The following TECR variants were observed in gnomAD, a reference collection of about 807,000 sequenced individuals.
TECR encodes the protein very-long-chain enoyl-CoA reductase.
A neutral mutation model predicts 50.6 loss-of-function variants in TECR; 19 were observed. That is an observed-to-expected ratio of 0.38 (90% CI 0.26 to 0.55). The LOEUF (loss-of-function observed/expected upper bound fraction) is 0.55, where lower values mean the gene tolerates loss of function less well. Among genes scored for constraint, TECR ranks in the 20% least tolerant of loss-of-function variants. The probability of loss-of-function intolerance (pLI) is 0.79; values close to 1 mark genes in which losing one functional copy is unlikely to be tolerated. For synonymous variants in TECR, 168 were observed against 163.5 expected, an observed-to-expected ratio of 1.03 and a Z score of -0.21; for missense variants, 313 against 408.3, an observed-to-expected ratio of 0.77 and a Z score of 2.01.
At position 14,563,790 on chromosome 19, in the gene TECR, C is replaced by T. The variant is rs1353554953; in HGVS notation, c.164-10C>T. 2.5e-6 allele frequency: 4 copies of T among 1,613,704 alleles called. No homozygotes were observed. Among genetic ancestry groups the T allele is most frequent in the Admixed American group, 1.7e-5 (1 of 60,000 alleles). ...GGGTAGCCCCTGAGCCCTGGCCCGC[C>T]TCTCTGCAGAGGGCAAGTCCCTGAA... On this transcript the variant is annotated splice_polypyrimidine_tract_variant and intron_variant, in intron 4 of 12. Transcript: ENST00000215567. This position sits in a 1 kb window ranked among gnomAD's most constrained non-coding sequence, Gnocchi z 5.3.
intron 1 of TECR, among the ~76,000 whole-genome samples, chr19:14,548,410 A>T (rs190937887): frequency 2.2e-4 from 33 of 152,208 alleles, no homozygotes; most frequent in African/African-American, 7.9e-4. Context: ...CTCATGCCTC[A>T]TGTCCAAATG....
At position 14,564,257 on chromosome 19, in the gene TECR, T is replaced by C. The variant is rs1308870713; in HGVS notation, c.459T>C (p.His153=). 3 of 1,606,986 alleles carry C rather than the reference T, an allele frequency of 1.9e-6. No homozygotes were observed. The highest frequency in any genetic ancestry group is 2.2e-5 in the East Asian group (1 of 44,860). Residue 153 remains histidine, a synonymous_variant, in exon 7 of 13, where the codon CAT becomes CAC. Coordinates refer to ENST00000215567, the MANE Select transcript of TECR (RefSeq NM_138501.6). ...CGCTCTTCGTGCACCGCTTCTCCCA[T>C]GGCACTATGCCTTTGCGCAACATCT... ...LETLFVHRFS[H]GTMPLRNIFK...
In TECR at chr19:14,565,776, A is replaced by C. The variant is rs959803672; in HGVS notation, c.832A>C (p.Met278Leu). Residue 278 changes from methionine (M) to leucine (L), a missense_variant, in exon 13 of 13, where the codon ATG (methionine) becomes CTG (leucine). Met to Leu is a conservative substitution (Grantham distance 15). Coordinates refer to ENST00000215567, the MANE Select transcript of TECR (RefSeq NM_138501.6). ...ALFSLVGFTQ[M>L]TIWAKGKHRS... Reference sequence around the variant, plus strand: ...GTTCTCCCTGGTGGGCTTCACCCAGATGACCATCTGGGCCAAGGGCAAGCA... The same window carrying C: ...GTTCTCCCTGGTGGGCTTCACCCAGCTGACCATCTGGGCCAAGGGCAAGCA... 1.2e-6 allele frequency: 2 copies of C among 1,610,938 alleles called. No homozygotes were observed. Among genetic ancestry groups the C allele is most frequent in the Non-Finnish European group, 1.7e-6 (2 of 1,179,272 alleles).
upstream of TECR, chr19:14,529,513 G>T (rs2072526292): frequency 2.5e-6 from 2 of 785,486 alleles, no homozygotes; most frequent in Non-Finnish European, 4.4e-6. Flanking sequence ...CCAAGGAGCA[G>T]GGGCGAACGT....
In TECR at chr19:14,564,207, C is replaced by T; in HGVS notation, c.409C>T (p.His137Tyr). 6.2e-7 allele frequency: 1 copy of T among 1,608,266 alleles called. No individual in the cohort carries two copies. The highest frequency in any genetic ancestry group is 8.5e-7 in the Non-Finnish European group (1 of 1,179,848). The change falls in exon 7 of 13, where the codon CAC (histidine) becomes TAC (tyrosine). Residue 137 changes from histidine (H) to tyrosine (Y), a missense_variant. Coordinates refer to ENST00000215567, the MANE Select transcript of TECR (RefSeq NM_138501.6). ...VHLACICHSF[H>Y]YIKRLLETLF... Reference sequence around the variant, plus strand: ...CCTCGCCTGCATCTGTCACTCATTCCACTACATCAAGCGCCTGCTGGAGAC... The same window carrying T: ...CCTCGCCTGCATCTGTCACTCATTCTACTACATCAAGCGCCTGCTGGAGAC...
At chr19:14,548,383 T>C (rs968439447) in intron 1 of TECR, among the ~76,000 whole-genome samples, 1 of 152,146 alleles carries the variant, frequency 6.6e-6, no homozygotes, top group Non-Finnish European at 1.5e-5. Context: ...CCTAAGCTGT[T>C]TGACTCTGCT....
At chr19:14,550,345 G>T (rs1012660894) in intron 1 of TECR, among the ~76,000 whole-genome samples, 1 of 152,172 alleles carries the variant, frequency 6.6e-6, no homozygotes, top group Non-Finnish European at 1.5e-5. Flanking sequence ...TCCCAGTCTA[G>T]GCTCTTTGGC....
Position 14,554,015 on chromosome 19 carries a change from C to T in TECR, c.16-8510C>T, listed in dbSNP as rs550698135. On this transcript the variant is annotated intron_variant, in intron 1 of 12. Coordinates refer to ENST00000215567, the MANE Select transcript of TECR (RefSeq NM_138501.6). Reference sequence around the variant, plus strand: ...CCCCTGCGGGGTCCGAGAGAGCCTGCCGGAGCTTTGAGCTCAACAGGTGGG... The same window carrying T: ...CCCCTGCGGGGTCCGAGAGAGCCTGTCGGAGCTTTGAGCTCAACAGGTGGG... Among the ~76,000 whole-genome samples the T allele has an allele frequency of 1.2e-3, 188 of 152,294 alleles. 1 individual carries two copies. The highest frequency in any genetic ancestry group is 5.1e-3 in the Admixed American group (78 of 15,314).
intron 1 of TECR, among the ~76,000 whole-genome samples, chr19:14,560,064 G>C (rs1215628908): frequency 6.6e-6 from 1 of 152,138 alleles, no homozygotes; most frequent in East Asian, 1.9e-4. Context: ...CTCTCCTTGG[G>C]CCTCAGGCTG....
At chr19:14,551,556 T>C (rs552761710) in intron 1 of TECR, among the ~76,000 whole-genome samples, 2 of 152,258 alleles carry the variant, frequency 1.3e-5, no homozygotes, top group South Asian at 2.1e-4. Context: ...TCAGTCAGCA[T>C]TGAGGACGCG....
At chr19:14,547,827 CTT>C (rs544400801) in intron 1 of TECR, among the ~76,000 whole-genome samples, 2 of 151,416 alleles carry the variant, frequency 1.3e-5, no homozygotes, top group East Asian at 3.9e-4. Context: ...CAGCCGGCTA[CTT>C]TTGTTTTTTT....
rs761251876 is a variant in TECR at position 14,563,789 on chromosome 19, CCT to C, written c.164-6_164-5del. 7 of 1,613,674 alleles carry C rather than the reference CCT, an allele frequency of 4.3e-6. No individual in the cohort carries two copies. Among genetic ancestry groups the C allele is most frequent in the South Asian group, 1.1e-5 (1 of 91,086 alleles). Reference sequence around the variant, plus strand: ...CGGGTAGCCCCTGAGCCCTGGCCCGCCTCTCTGCAGAGGGCAAGTCCCTGAAG... The same window carrying C: ...CGGGTAGCCCCTGAGCCCTGGCCCGCCTCTGCAGAGGGCAAGTCCCTGAAG... On this transcript the variant is annotated splice_polypyrimidine_tract_variant and intron_variant, in intron 4 of 12. Coordinates refer to ENST00000215567, the MANE Select transcript of TECR (RefSeq NM_138501.6). The surrounding 1 kb of genome is among the most constrained non-coding windows in gnomAD (Gnocchi z 5.3).
chr19:14,559,050 G>C (rs1186499022), intron 1 of TECR, among the ~76,000 whole-genome samples: 1 of 152,246 alleles, frequency 6.6e-6, no homozygotes, highest in East Asian at 1.9e-4. Context: ...CGGAGCCCTC[G>C]ATGAGGTCTC....
At chr19:14,562,170 TAGCTG>T in intron 1 of TECR, 1 of 592,256 alleles carries the variant, frequency 1.7e-6, no homozygotes, top group South Asian at 2.1e-5. Context: ...GTTTTATATT[TAGCTG>T]GGCTGTGGCT....
At chr19:14,565,492 G>C (rs967008014) in intron 11 of TECR, 126 bp from the exon 12 acceptor site, 1 of 1,459,844 alleles carries the variant, frequency 6.9e-7, no homozygotes, top group African/African-American at 1.4e-5. Flanking sequence ...CCCCGCCTCC[G>C]CTGGAATTGG....
At chr19:14,541,668 C>T (rs987267613) in intron 1 of TECR, among the ~76,000 whole-genome samples, 1 of 152,082 alleles carries the variant, frequency 6.6e-6, no homozygotes. Flanking sequence ...CAGAGGGAAC[C>T]GAGTGGTGTG....
chr19:14,565,143 A>C lies in TECR; in HGVS notation c.664+20A>C. On this transcript the variant is annotated intron_variant, in intron 10 of 12. Coordinates refer to ENST00000215567, the MANE Select transcript of TECR (RefSeq NM_138501.6). ...CCGCTGGTGAGTGCCTGCTGGGGGC[A>C]GGGGGACAGCTGGGCTGGGTGAGGG... 1.2e-6 allele frequency: 2 copies of C among 1,613,632 alleles called. No homozygotes were observed. The highest frequency in any genetic ancestry group is 1.7e-6 in the Non-Finnish European group (2 of 1,179,990).
chr19:14,560,103 C>T (rs775239852), intron 1 of TECR, among the ~76,000 whole-genome samples: 2 of 152,300 alleles, frequency 1.3e-5, no homozygotes, highest in South Asian at 4.1e-4. Flanking sequence ...CAGCTGTGAG[C>T]GTGGCCCCTC....
chr19:14,533,099 G>A (rs2072733950), intron 1 of TECR, among the ~76,000 whole-genome samples: 1 of 146,396 alleles, frequency 6.8e-6, no homozygotes, highest in Admixed American at 6.9e-5. Context: ...GTGACAGAGC[G>A]AGACTCTGTT....
Sources: gnomAD v4.1 joint callset for allele counts (sites outside exome capture counted in the v4.1 genomes callset) on GRCh38, gnomAD v4.1.1 for gene constraint, Gnocchi (gnomAD v3.1) non-coding constraint, MANE v1.5 for transcripts, NCBI Gene and HGNC (gene_info 2026-07-23, HGNC 2026-07-21) for gene names.